PDZRN4: variants seen among roughly 807,000 people sequenced by gnomAD.
PDZRN4 encodes PDZ domain-containing RING finger protein 4.
PDZRN4 carries 70 observed loss-of-function variants against 99.0 expected under a neutral mutation model. The observed-to-expected ratio is 0.71, with a 90% CI of 0.58 to 0.86. The LOEUF (loss-of-function observed/expected upper bound fraction) is 0.86. Among genes scored for constraint, PDZRN4 ranks in the 40% least tolerant of loss-of-function variants. The pLI is 0.00. For missense variants in PDZRN4, 1,474 were observed against 1,331.2 expected (o/e 1.11, Z -1.67); for synonymous variants, 551 against 501.6 (o/e 1.10, Z -1.32).
At chr12:41,216,786 C>CT (rs1280243435) in intron 3 of PDZRN4, among the ~76,000 whole-genome samples, 1 of 151,860 alleles carries the variant, frequency 6.6e-6, no homozygotes, top group East Asian at 1.9e-4. Flanking sequence ...GTCATCCTTT[C>CT]TTTTTTTTAG....
At chr12:41,535,669 G>A (rs1299435944) in intron 5 of PDZRN4, among the ~76,000 whole-genome samples, 6 of 152,136 alleles carry the variant, frequency 3.9e-5, no homozygotes, top group African/African-American at 1.4e-4. Context: ...TCACAAATGC[G>A]TTAATGCTCT....
chr12:41,371,328 A>G (rs1331336221), intron 3 of PDZRN4, among the ~76,000 whole-genome samples: 8 of 151,956 alleles, frequency 5.3e-5, no homozygotes, highest in African/African-American at 1.9e-4. Context: ...ATTTTGATTT[A>G]TCAGAAGAAA....
chr12:41,519,296 G>A (rs1012576077), intron 5 of PDZRN4, among the ~76,000 whole-genome samples: 9 of 151,932 alleles, frequency 5.9e-5, no homozygotes, highest in East Asian at 5.8e-4. Flanking sequence ...GAGCATTTAC[G>A]GTGTTGCTGG....
At chr12:41,343,420 G>T (rs1951830459) in intron 3 of PDZRN4, among the ~76,000 whole-genome samples, 1 of 151,540 alleles carries the variant, frequency 6.6e-6, no homozygotes, top group Admixed American at 6.6e-5. Context: ...TTTACATTTT[G>T]TATTTTTTTG....
chr12:41,423,714 GT>G (rs1952510673), intron 3 of PDZRN4, among the ~76,000 whole-genome samples: 1 of 152,086 alleles, frequency 6.6e-6, no homozygotes. Flanking sequence ...ACTCCCACTG[GT>G]TAAAAAGTTG....
intron 8 of PDZRN4, among the ~76,000 whole-genome samples, chr12:41,565,668 C>T (rs1939356799): frequency 2.0e-5 from 3 of 152,008 alleles, no homozygotes; most frequent in Admixed American, 2.0e-4. Flanking sequence ...TATTGTACAT[C>T]TGTGCAATAT....
intron 3 of PDZRN4, among the ~76,000 whole-genome samples, chr12:41,274,676 T>C (rs749762051): frequency 6.6e-6 from 1 of 152,174 alleles, no homozygotes; most frequent in Non-Finnish European, 1.5e-5. Flanking sequence ...CAAGACAGCC[T>C]GCTTCTTCTT....
At chr12:41,489,791 T>C (rs1937848906) in intron 3 of PDZRN4, among the ~76,000 whole-genome samples, 1 of 151,914 alleles carries the variant, frequency 6.6e-6, no homozygotes, top group Admixed American at 6.6e-5. Context: ...GCAAATTGAG[T>C]ATTTCACAAG....
intron 3 of PDZRN4, among the ~76,000 whole-genome samples, chr12:41,270,534 CTT>C (rs1245186050): frequency 1.3e-5 from 2 of 152,036 alleles, no homozygotes; most frequent in African/African-American, 4.8e-5. Flanking sequence ...GTTTATAGAA[CTT>C]TGGCTTTCTC....
intron 3 of PDZRN4, among the ~76,000 whole-genome samples, chr12:41,294,588 A>G (rs1951478463): frequency 6.6e-6 from 1 of 152,158 alleles, no homozygotes; most frequent in East Asian, 1.9e-4. Context: ...CAAAGAGAGT[A>G]CTTTGAAACT....
At chr12:41,362,720 A>C (rs1183389013) in intron 3 of PDZRN4, among the ~76,000 whole-genome samples, 1 of 152,178 alleles carries the variant, frequency 6.6e-6, no homozygotes, top group East Asian at 1.9e-4. Flanking sequence ...CAGGGAAGTG[A>C]TGGGAAGCAG....
At chr12:41,501,313 A>T (rs1938105029) in intron 3 of PDZRN4, among the ~76,000 whole-genome samples, 1 of 152,166 alleles carries the variant, frequency 6.6e-6, no homozygotes, top group Admixed American at 6.6e-5. Context: ...GCACTTCAAA[A>T]GAAAATCAAA....
intron 3 of PDZRN4, among the ~76,000 whole-genome samples, chr12:41,404,258 G>A (rs781752516): frequency 1.8e-4 from 28 of 152,066 alleles, no homozygotes; most frequent in Non-Finnish European, 3.1e-4. Context: ...CTGTAAACAT[G>A]GCCATAGAAA....
chr12:41,416,302 T>A (rs1952444990), intron 3 of PDZRN4, among the ~76,000 whole-genome samples: 1 of 152,158 alleles, frequency 6.6e-6, no homozygotes, highest in Non-Finnish European at 1.5e-5. Flanking sequence ...TTTTTCCTCT[T>A]TCTGAAAACA....
intron 3 of PDZRN4, among the ~76,000 whole-genome samples, chr12:41,422,040 A>C (rs1000999908): frequency 3.3e-5 from 5 of 152,142 alleles, no homozygotes; most frequent in African/African-American, 1.2e-4. Flanking sequence ...TAAGTAGATG[A>C]ATTTAATGGA....
At chr12:41,249,428 C>A (rs1951154076) in intron 3 of PDZRN4, among the ~76,000 whole-genome samples, 2 of 152,130 alleles carry the variant, frequency 1.3e-5, no homozygotes, top group South Asian at 4.1e-4. Context: ...TATATGGGAA[C>A]TTGCACACCA....
At position 41,384,066 on chromosome 12, in the gene PDZRN4, G is replaced by T. The variant is rs183248882; in HGVS notation, c.844-122390G>T. Among the ~76,000 whole-genome samples the T allele has an allele frequency of 1.7e-3, 211 of 126,200 alleles. 1 individual carries two copies. The highest frequency in any genetic ancestry group is 0.013 in the South Asian group (46 of 3,612). 82.8% of individuals were successfully genotyped at this position (126,200 alleles called of 152,430 possible). On this transcript the variant is annotated intron_variant, in intron 3 of 9. Transcript: ENST00000402685. Reference sequence around the variant, plus strand: ...CGCCCAGGCTGGAGTGCAGTGGCGCGATCTCAGCTCACTGCAACCTTCGCC... The same window carrying T: ...CGCCCAGGCTGGAGTGCAGTGGCGCTATCTCAGCTCACTGCAACCTTCGCC...
chr12:41,339,294 T>C (rs978470456), intron 3 of PDZRN4, among the ~76,000 whole-genome samples: 1 of 152,084 alleles, frequency 6.6e-6, no homozygotes, highest in African/African-American at 2.4e-5. Context: ...GAACTCAGTT[T>C]TGACGAAGTT....
At chr12:41,351,196 C>G (rs986939343) in intron 3 of PDZRN4, among the ~76,000 whole-genome samples, 1 of 152,102 alleles carries the variant, frequency 6.6e-6, no homozygotes, top group African/African-American at 2.4e-5. Context: ...ATAATCCCTT[C>G]AGACATGACA....
Sources: allele counts gnomAD v4.1 joint callset (sites outside exome capture counted in the v4.1 genomes callset), GRCh38; gene constraint gnomAD v4.1.1; transcripts MANE v1.5; gene names NCBI Gene and HGNC (gene_info 2026-07-23, HGNC 2026-07-21).